Variants in TSPAN14 observed in about 807,000 individuals in gnomAD.
TSPAN14 encodes tetraspanin 14, also known as tetraspanin-14.
A neutral mutation model predicts 36.6 loss-of-function variants in TSPAN14; 16 were observed. That is an observed-to-expected ratio of 0.44 (90% confidence interval 0.30 to 0.66). TSPAN14 has a LOEUF of 0.66. Among genes scored for constraint, TSPAN14 ranks in the 30% least tolerant of loss-of-function variants. The probability of loss-of-function intolerance (pLI) is 0.12; values close to 1 mark genes in which losing one functional copy is unlikely to be tolerated. For synonymous variants in TSPAN14, 139 were observed against 143.8 expected, an observed-to-expected ratio of 0.97 and a Z score of 0.24; for missense variants, 231 against 355.1, an observed-to-expected ratio of 0.65 and a Z score of 2.81.
chr10:80,485,715 C>T lies in TSPAN14; in HGVS notation c.-17-3502C>T, dbSNP rs1847549227. On this transcript the variant is annotated intron_variant, in intron 1 of 8. Transcript: ENST00000429989. Reference sequence around the variant, plus strand: ...GGACAGATTGAGAGGTGCCTTCCCTCCCTGTCCCGAGGTTAGGTGGGTGGC... The same window carrying T: ...GGACAGATTGAGAGGTGCCTTCCCTTCCTGTCCCGAGGTTAGGTGGGTGGC... The T allele has an allele frequency of 9.1e-6, 9 of 985,154 alleles. No homozygotes were observed. In the South Asian group the frequency reaches 3.8e-4, roughly 41 times the overall value. The allele number at this position is 985,154 out of a possible 1,614,324, so 61.0% of individuals were successfully genotyped here. A position where few individuals can be genotyped will look rare whatever the true frequency, so the allele number is the denominator to read the frequency against.
At position 80,507,457 on chromosome 10, in the gene TSPAN14, G is replaced by C. The variant is rs1840361265; in HGVS notation, c.279+83G>C. 10 of 1,585,032 alleles carry C rather than the reference G, an allele frequency of 6.3e-6. No homozygotes were observed. The Admixed American group carries it at 1.0e-4, about 16-fold the overall frequency. ...GGCAGGATTATATGTTACCTGGTCA[G>C]AGCAGGTGGCAGCTCTTAGGAGCCT... On this transcript the variant is annotated intron_variant, in intron 4 of 8. Coordinates refer to ENST00000429989, the Ensembl canonical transcript of TSPAN14.
chr10:80,462,302 T>C (rs1846015541), intron 1 of TSPAN14, among the ~76,000 whole-genome samples: 1 of 137,250 alleles, frequency 7.3e-6, no homozygotes, highest in African/African-American at 2.8e-5. Flanking sequence ...TTGAGGTCAT[T>C]AGGAGGTGTT....
In TSPAN14 at chr10:80,516,087, T is replaced by C. The variant is rs2132067387; in HGVS notation, c.622-117T>C. The C allele has an allele frequency of 2.0e-6, 3 of 1,522,900 alleles. No individual in the cohort carries two copies. In the South Asian group the frequency reaches 3.6e-5, roughly 18 times the overall value. 94.3% of individuals were successfully genotyped at this position (1,522,900 alleles called of 1,614,324 possible). A position where few individuals can be genotyped will look rare whatever the true frequency, so the allele number is the denominator to read the frequency against. On this transcript the variant is annotated intron_variant, in intron 7 of 8. Coordinates refer to ENST00000429989, the Ensembl canonical transcript of TSPAN14. ...TCCTGGAGAGTCCTCCTTGCCTGCC[T>C]CCTGGATCCCTCGTTCCCACCCTGC...
chr10:80,468,578 A>G (rs981181832), intron 1 of TSPAN14: 1 of 152,142 alleles, frequency 6.6e-6, no homozygotes, highest in South Asian at 2.1e-4. Flanking sequence ...AGTGCCATCC[A>G]CAGACCTGCT....
At chr10:80,497,057 T>G (rs1848234940) in intron 2 of TSPAN14, among the ~76,000 whole-genome samples, 1 of 152,302 alleles carries the variant, frequency 6.6e-6, no homozygotes, top group Middle Eastern at 3.4e-3. Flanking sequence ...CAGTATTAAG[T>G]CTTTTGTGTC....
At chr10:80,459,209 G>GCC (rs1845863745) in intron 1 of TSPAN14, 1 of 152,244 alleles carries the variant, frequency 6.6e-6, no homozygotes. Context: ...CTCCGCCCTT[G>GCC]GGCTTGGTGG....
At chr10:80,489,596 C>T (rs867145932) in intron 2 of TSPAN14, among the ~76,000 whole-genome samples, 3 of 152,242 alleles carry the variant, frequency 2.0e-5, no homozygotes, top group Non-Finnish European at 4.4e-5. Flanking sequence ...CCTACCTGCC[C>T]CCTGTTCCGA....
intron 1 of TSPAN14, among the ~76,000 whole-genome samples, chr10:80,486,294 G>A (rs990674923): frequency 2.6e-5 from 4 of 152,242 alleles, no homozygotes; most frequent in African/African-American, 9.6e-5. Context: ...AGTGTTCCCT[G>A]TAGCCTTTCC....
At chr10:80,462,324 G>A (rs985279037) in intron 1 of TSPAN14, among the ~76,000 whole-genome samples, 5 of 124,512 alleles carry the variant, frequency 4.0e-5, no homozygotes, top group African/African-American at 7.0e-5. Flanking sequence ...ATTTCTGTCC[G>A]CCCTGGTGGC....
intron 1 of TSPAN14, among the ~76,000 whole-genome samples, chr10:80,486,660 C>A (rs1564726846): frequency 6.6e-6 from 1 of 152,128 alleles, no homozygotes; most frequent in South Asian, 2.1e-4. Flanking sequence ...GAGGGCACAG[C>A]CTTCTACTTT....
At chr10:80,466,750 G>A (rs1442878737) in intron 1 of TSPAN14, among the ~76,000 whole-genome samples, 1 of 152,154 alleles carries the variant, frequency 6.6e-6, no homozygotes, top group East Asian at 1.9e-4. Context: ...GGAAAAGCAC[G>A]GTCTCAAGAG....
At chr10:80,462,929 G>A (rs1846055038) in intron 1 of TSPAN14, among the ~76,000 whole-genome samples, 1 of 152,184 alleles carries the variant, frequency 6.6e-6, no homozygotes, top group Non-Finnish European at 1.5e-5. Context: ...TGCCCGGGAT[G>A]CCTGGGTTTC....
intron 2 of TSPAN14, among the ~76,000 whole-genome samples, chr10:80,497,097 GAT>G: frequency 6.6e-6 from 1 of 152,234 alleles, no homozygotes; most frequent in Non-Finnish European, 1.5e-5. Flanking sequence ...TCATATGTGA[GAT>G]TCATTCATGC....
chr10:80,470,532 G>A (rs180876801), intron 1 of TSPAN14, among the ~76,000 whole-genome samples: 3 of 152,370 alleles, frequency 2.0e-5, no homozygotes, highest in East Asian at 1.9e-4. Context: ...CCTTTCAGGC[G>A]TGGAAACATA....
At position 80,511,758 on chromosome 10, in the gene TSPAN14, CTCTCTCTCTCTCT is replaced by C. The variant is rs1564745251; in HGVS notation, c.451-385_451-373del. ...TCTCTCTCTCTCTCTCTCTCTCTCT[CTCTCTCTCTCTCT>C]CCCCTTTTTTCTTTCTCTCCTTTTC... is the stretch of plus-strand genomic sequence containing the variant. On this transcript the variant is annotated intron_variant, in intron 5 of 8. Transcript: ENST00000429989. Among the ~76,000 whole-genome samples the C allele has an allele frequency of 6.4e-4, 90 of 141,472 alleles. 1 individual carries two copies. Among genetic ancestry groups the C allele is most frequent in the South Asian group, 1.1e-3 (5 of 4,372 alleles). The allele number at this position is 141,472 out of a possible 152,430, so 92.8% of individuals were successfully genotyped here.
intron 1 of TSPAN14, among the ~76,000 whole-genome samples, chr10:80,467,083 TC>T (rs1290296137): frequency 6.6e-6 from 1 of 152,224 alleles, no homozygotes; most frequent in Non-Finnish European, 1.5e-5. Context: ...GGCATGGCCT[TC>T]AGTCCTCTTT....
intron 1 of TSPAN14, among the ~76,000 whole-genome samples, chr10:80,471,594 G>C (rs891647631): frequency 6.6e-6 from 1 of 152,230 alleles, no homozygotes; most frequent in Non-Finnish European, 1.5e-5. Flanking sequence ...ATGATGATCA[G>C]GGTATGGGTA....
intron 7 of TSPAN14, among the ~76,000 whole-genome samples, chr10:80,514,756 G>A (rs1180319130): frequency 1.3e-5 from 2 of 152,208 alleles, no homozygotes; most frequent in Admixed American, 6.5e-5. Context: ...TAAACTGAAT[G>A]TGTGTGTCTC....
At chr10:80,458,943 T>A (rs1845852168) in intron 1 of TSPAN14, among the ~76,000 whole-genome samples, 2 of 151,688 alleles carry the variant, frequency 1.3e-5, no homozygotes, top group Non-Finnish European at 2.9e-5. Context: ...TACTTTCTAG[T>A]TGAGTGACCT....
Sources: allele counts gnomAD v4.1 joint callset (sites outside exome capture counted in the v4.1 genomes callset), GRCh38; gene constraint gnomAD v4.1.1; transcripts MANE v1.5; gene names NCBI Gene and HGNC (gene_info 2026-07-23, HGNC 2026-07-21).